The following TLR7 variants were observed in gnomAD, a reference collection of about 807,000 sequenced individuals.
The protein encoded by TLR7 is toll like receptor 7.
TLR7 carries 12 observed loss-of-function variants against 38.3 expected under a neutral mutation model. That is an observed-to-expected ratio of 0.31 (90% CI 0.20 to 0.51). TLR7 has a LOEUF of 0.51. Among genes scored for constraint, TLR7 ranks in the 20% least tolerant of loss-of-function variants. The probability of loss-of-function intolerance (pLI) is 0.98; values close to 1 mark genes in which losing one functional copy is unlikely to be tolerated. For missense variants in TLR7, 504 were observed against 743.4 expected, an observed-to-expected ratio of 0.68 and a Z score of 3.74; for synonymous variants, 285 against 293.8, an observed-to-expected ratio of 0.97 and a Z score of 0.31.
Position 12,885,538 on chromosome X carries a change from A to G in TLR7, c.30A>G (p.Arg10=). Residue 10 remains arginine (R), a synonymous_variant, in exon 3 of 3, where the codon AGA becomes AGG. Transcript: ENST00000380659. The stretch of plus-strand genomic sequence containing the variant: ...TGTTTCCAATGTGGACACTGAAGAG[A>G]CAAATTCTTATCCTTTTTAACATAA... MVFPMWTLK[R]QILILFNIIL... 2 of 1,204,752 alleles carry G rather than the reference A, an allele frequency of 1.7e-6. No individual in the cohort carries two copies. Among genetic ancestry groups the G allele is most frequent in the South Asian group, 3.5e-5 (2 of 56,372 alleles).
chrX:12,878,090 G>C (rs1402340796), intron 2 of TLR7, among the ~76,000 whole-genome samples: 1 of 112,066 alleles, frequency 8.9e-6, no homozygotes, highest in Non-Finnish European at 1.9e-5. Context: ...TAGAATAGCA[G>C]AGTGGCTAAG....
At position 12,878,002 on chromosome X, in the gene TLR7, T is replaced by C. The variant is rs5743752; in HGVS notation, c.4-7510T>C. ...GGGCATCCTAATGATGGAGTATATG[T>C]AAAGACAAAAAAAGTTTCCGGACCT... On this transcript the variant is annotated intron_variant, in intron 2 of 2. Transcript: ENST00000380659. Among the ~76,000 whole-genome samples the C allele has an allele frequency of 4.5e-3, 501 of 111,945 alleles. 3 individuals carry two copies. Among genetic ancestry groups the C allele is most frequent in the Non-Finnish European group, 3.8e-3 (203 of 53,143 alleles).
chrX:12,886,070 C>G lies in TLR7; in HGVS notation c.562C>G (p.Pro188Ala). The change falls in exon 3 of 3, where the codon CCT becomes GCT. Residue 188 changes from proline to alanine, a missense_variant. Pro to Ala is a conservative substitution (Grantham distance 27). Coordinates refer to ENST00000380659, the MANE Select transcript of TLR7 (RefSeq NM_016562.4). The stretch of plus-strand genomic sequence containing the variant: ...GGGCCAAAACTGTTATTATCGAAAT[C>G]CTTGTTATGTTTCATATTCAATAGA... ...YLGQNCYYRN[P>A]CYVSYSIEKD... 8.3e-7 allele frequency: 1 copy of G among 1,211,064 alleles called. No homozygotes were observed. The highest frequency in any genetic ancestry group is 1.1e-6 in the Non-Finnish European group (1 of 894,870).
chrX:12,874,186 G>A (rs192843990), intron 2 of TLR7, among the ~76,000 whole-genome samples: 3,820 of 110,620 alleles, frequency 0.035, 63 homozygotes, highest in Non-Finnish European at 0.049. Context: ...TGGGAGTGGT[G>A]GCGGCTGTCT....
chrX:12,887,227 A>G lies in TLR7; in HGVS notation c.1719A>G (p.Ile573Met). The change falls in exon 3 of 3, where the codon ATA becomes ATG. Residue 573 changes from isoleucine (I) to methionine (M), a missense_variant. By Grantham distance (10) the Ile-to-Met change is conservative. Transcript: ENST00000380659. ...TTCACAAACTGGAAGTTCTGGATATAAGCAGTAATAGCCATTATTTTCAAT... is the reference window on the plus strand; with the variant it reads ...TTCACAAACTGGAAGTTCTGGATATGAGCAGTAATAGCCATTATTTTCAAT... Reference protein sequence around the residue: ...EELHKLEVLDISSNSHYFQSE... With the variant: ...EELHKLEVLDMSSNSHYFQSE... 8.3e-7 allele frequency: 1 copy of G among 1,210,972 alleles called. No homozygotes were observed. The highest frequency in any genetic ancestry group is 1.1e-6 in the Non-Finnish European group (1 of 895,029).
rs767969308 is a variant in TLR7, at chrX:12,885,667, C to T, written c.159C>T (p.Asp53=). ...PKNHVIVDCT[D]KHLTEIPGGI... ...ACCATGTGATCGTGGACTGCACAGA[C>T]AAGCATTTGACAGAAATTCCTGGAG... The change falls in exon 3 of 3, where the codon GAC becomes GAT. Residue 53 remains aspartate, a synonymous_variant. Transcript: ENST00000380659. 2.5e-6 allele frequency: 3 copies of T among 1,211,931 alleles called. No homozygotes were observed. The highest frequency in any genetic ancestry group is 1.8e-5 in the South Asian group (1 of 57,010).
intron 2 of TLR7, among the ~76,000 whole-genome samples, chrX:12,879,819 A>G (rs1274495419): frequency 1.8e-5 from 2 of 112,131 alleles, no homozygotes; most frequent in African/African-American, 3.2e-5. Context: ...ATGCCCAACT[A>G]CAAATGGAGG....
intron 2 of TLR7, among the ~76,000 whole-genome samples, chrX:12,884,711 T>A (rs5743777): frequency 0.012 from 1,358 of 112,164 alleles, 30 homozygotes; most frequent in African/African-American, 0.042. Flanking sequence ...CCCCACTTCA[T>A]TCTTGTAAGT....
intron 2 of TLR7, among the ~76,000 whole-genome samples, chrX:12,873,257 T>C (rs942211113): frequency 3.6e-5 from 4 of 112,235 alleles, no homozygotes; most frequent in African/African-American, 1.3e-4. Context: ...AGCTGCCCTA[T>C]TTATCGTCAC....
intron 2 of TLR7, among the ~76,000 whole-genome samples, chrX:12,874,604 C>T (rs891273775): frequency 9.0e-6 from 1 of 111,539 alleles, no homozygotes; most frequent in African/African-American, 3.3e-5. Context: ...CCATTAAGGT[C>T]AGTTAGCCAA....
intron 1 of TLR7, 51 bp from the exon 2 acceptor site, chrX:12,867,430 G>T: frequency 2.0e-6 from 1 of 505,780 alleles, no homozygotes; most frequent in Non-Finnish European, 3.5e-6. Flanking sequence ...TTAAGCTACA[G>T]TATTGTGCTG....
intron 2 of TLR7, among the ~76,000 whole-genome samples, chrX:12,877,119 T>C (rs770382041): frequency 3.0e-4 from 34 of 112,081 alleles, no homozygotes; most frequent in African/African-American, 9.7e-4. Context: ...GAAATTTCCA[T>C]TGGAATAAAG....
chrX:12,883,225 A>G (rs755965182), intron 2 of TLR7, among the ~76,000 whole-genome samples: 2 of 112,566 alleles, frequency 1.8e-5, no homozygotes, highest in South Asian at 7.4e-4. Context: ...AGAAAGATGT[A>G]CCATATTTAT....
chrX:12,879,083 A>G (rs1305839618), intron 2 of TLR7, among the ~76,000 whole-genome samples: 2 of 111,808 alleles, frequency 1.8e-5, no homozygotes, highest in Non-Finnish European at 3.8e-5. Context: ...CTTCAGTCCT[A>G]TTTCATTTCT....
chrX:12,879,097 G>C (rs1324320073), intron 2 of TLR7, among the ~76,000 whole-genome samples: 1 of 111,752 alleles, frequency 8.9e-6, no homozygotes, highest in South Asian at 3.7e-4. Context: ...CATTTCTCTT[G>C]TAAGACTGCT....
rs61734443 is a variant in TLR7, at chrX:12,888,028, G to T, written c.2520G>T (p.Leu840=). The change falls in exon 3 of 3, where the codon CTG becomes CTT. Residue 840 remains leucine, a synonymous_variant. Transcript: ENST00000380659. The part of the protein sequence containing the change: ...LYTCELDLTN[L]ILFSLSISVS... ...CCTGTGAGTTAGATCTGACTAACCT[G>T]ATTCTGTTCTCACTTTCCATATCTG... is the stretch of plus-strand genomic sequence containing the variant. 3.5e-5 allele frequency: 42 copies of T among 1,209,895 alleles called. No individual in the cohort carries two copies. The highest frequency in any genetic ancestry group is 4.7e-5 in the Non-Finnish European group (42 of 895,065).
chrX:12,873,948 A>G (rs1046911157), intron 2 of TLR7, among the ~76,000 whole-genome samples: 2 of 112,483 alleles, frequency 1.8e-5, no homozygotes. Context: ...ATTCTCTCAA[A>G]TCAATGGATT....
chrX:12,870,643 G>C (rs956428904), intron 2 of TLR7, among the ~76,000 whole-genome samples: 1 of 111,680 alleles, frequency 9.0e-6, no homozygotes, highest in Non-Finnish European at 1.9e-5. Context: ...CTGCTGTACA[G>C]CTCATGAGCT....
intron 2 of TLR7, among the ~76,000 whole-genome samples, chrX:12,878,828 T>C (rs2042881938): frequency 8.9e-6 from 1 of 111,950 alleles, no homozygotes; most frequent in Non-Finnish European, 1.9e-5. Flanking sequence ...GCTTTCATTG[T>C]CTACTAGAAA....
Sources: allele counts gnomAD v4.1 joint callset (sites outside exome capture counted in the v4.1 genomes callset), GRCh38; gene constraint gnomAD v4.1.1; transcripts MANE v1.5; gene names NCBI Gene and HGNC (gene_info 2026-07-23, HGNC 2026-07-21).